GRIK4: variants seen among roughly 807,000 people sequenced by gnomAD.
GRIK4 encodes the protein glutamate receptor ionotropic, kainate 4.
GRIK4 carries 40 observed loss-of-function variants against 104.9 expected under a neutral mutation model. The ratio of observed to expected loss-of-function variants is 0.38; its 90% CI spans 0.30 to 0.50. The LOEUF is 0.50. Ranked by LOEUF, GRIK4 falls within the 20% of genes least tolerant of loss-of-function variation. The pLI, the probability that GRIK4 is intolerant of heterozygous loss-of-function variation, is 0.93. For missense variants in GRIK4, 1,047 were observed against 1,308.1 expected, an observed-to-expected ratio of 0.80 and a Z score of 3.08; for synonymous variants, 485 against 524.9, an observed-to-expected ratio of 0.92 and a Z score of 1.04.
intron 3 of GRIK4, among the ~76,000 whole-genome samples, chr11:120,772,577 G>A (rs1398117060): frequency 6.6e-6 from 1 of 152,128 alleles, no homozygotes; most frequent in Non-Finnish European, 1.5e-5. Context: ...GGCTAAGGAG[G>A]TCAAAAAAGG....
rs189414877 is a variant in GRIK4, at chr11:120,779,831, A to G, written c.83-22862A>G. 5.5e-3 allele frequency among the ~76,000 whole-genome samples: 833 copies of G among 152,284 alleles called. 19 individuals carry two copies. Among genetic ancestry groups the G allele is most frequent in the Non-Finnish European group, 3.1e-3 (214 of 68,030 alleles). On this transcript the variant is annotated intron_variant, in intron 3 of 20. Coordinates refer to ENST00000527524, the MANE Select transcript of GRIK4 (RefSeq NM_014619.5). Reference sequence around the variant, plus strand: ...TACATCACTTAGCACATGAAAGGTGATTTACTTTATAGAACATTCCACAAG... The same window carrying G: ...TACATCACTTAGCACATGAAAGGTGGTTTACTTTATAGAACATTCCACAAG...
intron 3 of GRIK4, among the ~76,000 whole-genome samples, chr11:120,714,710 CTA>C (rs1249813156): frequency 6.6e-6 from 1 of 152,116 alleles, no homozygotes; most frequent in Non-Finnish European, 1.5e-5. Flanking sequence ...AGATGTTACT[CTA>C]GATGAAGGGG....
chr11:120,732,869 A>C (rs1394382113), intron 3 of GRIK4, among the ~76,000 whole-genome samples: 1 of 151,186 alleles, frequency 6.6e-6, no homozygotes. Context: ...TCTACAGTGC[A>C]TATTAAGTCC....
chr11:120,618,418 C>A (rs56728016), intron 1 of GRIK4, among the ~76,000 whole-genome samples: 2 of 152,126 alleles, frequency 1.3e-5, no homozygotes, highest in African/African-American at 4.8e-5. Flanking sequence ...GCAGCCTGGT[C>A]GTGTGGTACA....
Position 120,821,163 on chromosome 11 carries a change from G to T in GRIK4, c.511+1243G>T, listed in dbSNP as rs532161348. The stretch of plus-strand genomic sequence containing the variant: ...CTGCAGTGGATGCAGAGAAAATAGG[G>T]CCCTTGCCACTGATCTGAGAAGGCC... On this transcript the variant is annotated intron_variant, in intron 6 of 20. Transcript: ENST00000527524. Among the ~76,000 whole-genome samples, 11 of 152,358 alleles carry T rather than the reference G, an allele frequency of 7.2e-5. No homozygotes were observed. The South Asian group carries it at 2.1e-3, about 29-fold the overall frequency.
chr11:120,607,680 G>T (rs1480501717), intron 1 of GRIK4, among the ~76,000 whole-genome samples: 1 of 152,188 alleles, frequency 6.6e-6, no homozygotes, highest in Non-Finnish European at 1.5e-5. Flanking sequence ...GAATCCAGGA[G>T]AGGGGTGTGG....
chr11:120,783,091 A>G (rs968596853), intron 3 of GRIK4, among the ~76,000 whole-genome samples: 2 of 152,200 alleles, frequency 1.3e-5, no homozygotes, highest in Admixed American at 6.5e-5. Flanking sequence ...CCGTCGCCCT[A>G]GCGATGCTGC....
intron 3 of GRIK4, among the ~76,000 whole-genome samples, chr11:120,786,083 G>T (rs905396184): frequency 6.6e-6 from 1 of 152,156 alleles, no homozygotes; most frequent in African/African-American, 2.4e-5. Context: ...CCGTTCTCAT[G>T]TAGGGCTCCT....
At position 120,802,702 on chromosome 11, in the gene GRIK4, T is replaced by G; in HGVS notation, c.92T>G (p.Leu31Trp). Residue 31 changes from leucine (L) to tryptophan (W), a missense_variant, in exon 4 of 21, where the codon TTG becomes TGG. Leu to Trp is a moderately conservative substitution (Grantham distance 61, BLOSUM62 -2). Transcript: ENST00000527524. ...SPHSLRIAAI[L>W]DDPMECSRGE... ...GGTTGCCTGCCCACAGCTGCTATCT[T>G]GGACGACCCCATGGAGTGCAGCAGA... The G allele has an allele frequency of 6.2e-7, 1 of 1,613,822 alleles. No homozygotes were observed. The highest frequency in any genetic ancestry group is 8.5e-7 in the Non-Finnish European group (1 of 1,179,946).
Position 120,933,747 on chromosome 11 carries a change from G to A in GRIK4, c.1477-6600G>A, listed in dbSNP as rs1943529967. ...GGCTGGTATTGCCCCATTTTACAGT[G>A]GAGAAAAATGAGTCCCAGAGAAGGG... On this transcript the variant is annotated intron_variant, in intron 13 of 20. Transcript: ENST00000527524. Among the ~76,000 whole-genome samples, 6 of 152,140 alleles carry A rather than the reference G, an allele frequency of 3.9e-5. No individual in the cohort carries two copies. The South Asian group carries it at 6.2e-4, about 16-fold the overall frequency.
rs1486797118 is a variant in GRIK4 at position 120,555,601 on chromosome 11, G to A, written c.-159+43714G>A. Among the ~76,000 whole-genome samples, 1 of 152,092 alleles carries A rather than the reference G, an allele frequency of 6.6e-6. No individual in the cohort carries two copies. The highest frequency in any genetic ancestry group is 2.4e-5 in the African/African-American group (1 of 41,404). On this transcript the variant is annotated intron_variant, in intron 1 of 20. Coordinates refer to ENST00000527524, the MANE Select transcript of GRIK4 (RefSeq NM_014619.5). This position sits in a 1 kb window ranked among gnomAD's most constrained non-coding sequence, Gnocchi z 5.3. Reference sequence around the variant, plus strand: ...TGCCTTTCCCGACCTACCCACTTCTGGGGAGTTTCTTATCTGGCAAATGGG... The same window carrying A: ...TGCCTTTCCCGACCTACCCACTTCTAGGGAGTTTCTTATCTGGCAAATGGG...
chr11:120,812,356 T>C (rs1367413427), intron 4 of GRIK4, among the ~76,000 whole-genome samples: 1 of 152,226 alleles, frequency 6.6e-6, no homozygotes, highest in African/African-American at 2.4e-5. Flanking sequence ...ATATTACCTG[T>C]GTGATCTTAA....
intron 1 of GRIK4, among the ~76,000 whole-genome samples, chr11:120,538,382 C>T (rs545998823): frequency 3.3e-4 from 51 of 152,298 alleles, no homozygotes; most frequent in African/African-American, 1.2e-3. Flanking sequence ...CCTGCTCCAC[C>T]AAAGTGTCTG....
intron 4 of GRIK4, among the ~76,000 whole-genome samples, chr11:120,811,283 A>G (rs1952823556): frequency 1.3e-5 from 2 of 152,204 alleles, no homozygotes; most frequent in African/African-American, 4.8e-5. Flanking sequence ...CTCATTATAG[A>G]AAGTAGTGAA....
At chr11:120,644,740 G>A (rs181139975) in intron 1 of GRIK4, among the ~76,000 whole-genome samples, 5 of 152,282 alleles carry the variant, frequency 3.3e-5, no homozygotes, top group Non-Finnish European at 7.4e-5. Flanking sequence ...GCCCTTCCTT[G>A]CCTGCAATAG....
chr11:120,759,526 T>A (rs892171224), intron 3 of GRIK4, among the ~76,000 whole-genome samples: 4 of 152,096 alleles, frequency 2.6e-5, no homozygotes, highest in African/African-American at 9.7e-5. Context: ...TTTTTTTTTT[T>A]CAAGTCTAAC....
chr11:120,526,029 T>C (rs1483812548), intron 1 of GRIK4, among the ~76,000 whole-genome samples: 1 of 152,154 alleles, frequency 6.6e-6, no homozygotes. Flanking sequence ...TGTGATTTTA[T>C]TTATATAAAG....
intron 9 of GRIK4, chr11:120,872,111 G>A: frequency 2.9e-6 from 1 of 350,396 alleles, no homozygotes; most frequent in Non-Finnish European, 5.6e-6. Flanking sequence ...TGGACCTGAG[G>A]GGGCACAGCC....
At chr11:120,627,211 T>C (rs1949271842) in intron 1 of GRIK4, among the ~76,000 whole-genome samples, 1 of 152,264 alleles carries the variant, frequency 6.6e-6, no homozygotes, top group South Asian at 2.1e-4. Flanking sequence ...ATAAACATTA[T>C]GGAGCCCAAG....
Sources: gnomAD v4.1 joint callset for allele counts (sites outside exome capture counted in the v4.1 genomes callset) on GRCh38, gnomAD v4.1.1 for gene constraint, Gnocchi (gnomAD v3.1) non-coding constraint, MANE v1.5 for transcripts, NCBI Gene and HGNC (gene_info 2026-07-23, HGNC 2026-07-21) for gene names.